The following KAZN variants were observed in gnomAD, a reference collection of about 807,000 sequenced individuals.
The protein encoded by KAZN is kazrin.
Under a neutral mutation model 87.4 loss-of-function variants are expected in KAZN, and 40 were observed. The ratio of observed to expected loss-of-function variants is 0.46; its 90% CI spans 0.36 to 0.60. KAZN has a LOEUF of 0.60. KAZN is among the 20% of genes least tolerant of loss of function. The pLI is 0.00. For synonymous variants in KAZN, 466 were observed against 458.3 expected (o/e 1.02, Z -0.22); for missense variants, 898 against 1,073.9 (o/e 0.84, Z 2.29).
At chr1:14,525,554 A>AC (rs1557777075) in intron 2 of KAZN, among the ~76,000 whole-genome samples, 1 of 151,876 alleles carries the variant, frequency 6.6e-6, no homozygotes. Flanking sequence ...GATCCTTTTG[A>AC]TTTTTTCAAC....
intron 1 of KAZN, among the ~76,000 whole-genome samples, chr1:14,746,252 C>T (rs776456669): frequency 1.3e-5 from 2 of 152,224 alleles, no homozygotes; most frequent in South Asian, 2.1e-4. Context: ...CTACCAAGTT[C>T]GTCATCTTTC....
At chr1:14,991,317 T>A (rs531561213) in intron 2 of KAZN, among the ~76,000 whole-genome samples, 46 of 150,306 alleles carry the variant, frequency 3.1e-4, no homozygotes, top group Non-Finnish European at 5.6e-4. Context: ...ATCGCACCAC[T>A]GCACTCCAGC....
At chr1:14,497,671 T>G (rs976773153) in intron 2 of KAZN, among the ~76,000 whole-genome samples, 6 of 152,208 alleles carry the variant, frequency 3.9e-5, no homozygotes, top group African/African-American at 1.2e-4. Context: ...CCTATGAAGA[T>G]ATATACTTGG....
intron 2 of KAZN, among the ~76,000 whole-genome samples, chr1:14,392,816 C>A (rs1355033082): frequency 6.6e-6 from 1 of 152,122 alleles, no homozygotes; most frequent in African/African-American, 2.4e-5. Context: ...AATCAAGAGT[C>A]CTGTTTTTGT....
intron 2 of KAZN, among the ~76,000 whole-genome samples, chr1:14,440,581 A>G (rs7547198): frequency 0.25 from 38,281 of 152,132 alleles, 5,969 homozygotes; most frequent in Middle Eastern, 0.36. Flanking sequence ...AAGATGTTTG[A>G]GGAATGACTG....
chr1:14,806,225 C>T (rs1646216324), intron 1 of KAZN, among the ~76,000 whole-genome samples: 1 of 151,760 alleles, frequency 6.6e-6, no homozygotes, highest in South Asian at 2.1e-4. Context: ...ACCTCTGTTC[C>T]CTTTGTCTCA....
In KAZN at chr1:14,916,886, G is replaced by T. The variant is rs149793190; in HGVS notation, c.227-43798G>T. On this transcript the variant is annotated intron_variant, in intron 1 of 14. Transcript: ENST00000376030. ...CCATCATCATACCACTGCATTCTAGGCTGGGTGACAAGCAAGACCTTGTCT... is the reference window on the plus strand; with the variant it reads ...CCATCATCATACCACTGCATTCTAGTCTGGGTGACAAGCAAGACCTTGTCT... Among the ~76,000 whole-genome samples the T allele has an allele frequency of 2.1e-4, 32 of 151,428 alleles. No individual in the cohort carries two copies. The East Asian group carries it at 2.7e-3, about 13-fold the overall frequency.
At chr1:14,950,786 C>T (rs151055382) in intron 1 of KAZN, among the ~76,000 whole-genome samples, 10 of 152,162 alleles carry the variant, frequency 6.6e-5, no homozygotes, top group African/African-American at 2.4e-4. Flanking sequence ...CTCAGGCCTC[C>T]CAGTCCAGGG....
intron 2 of KAZN, among the ~76,000 whole-genome samples, chr1:14,295,503 G>A (rs985682495): frequency 6.6e-6 from 1 of 152,094 alleles, no homozygotes; most frequent in Non-Finnish European, 1.5e-5. Flanking sequence ...GGGAGACTCA[G>A]AGATACGCAC....
chr1:14,453,201 C>G (rs377449932), intron 2 of KAZN, among the ~76,000 whole-genome samples: 1 of 152,008 alleles, frequency 6.6e-6, no homozygotes, highest in Non-Finnish European at 1.5e-5. Context: ...GTGATCCGCC[C>G]GCCTCGGCCT....
intron 2 of KAZN, among the ~76,000 whole-genome samples, chr1:14,473,448 G>A (rs78021294): frequency 0.026 from 3,967 of 152,162 alleles, 57 homozygotes; most frequent in Non-Finnish European, 0.033. Flanking sequence ...CCAATATGGT[G>A]AAACCCCATC....
At chr1:13,955,796 T>C (rs961443623) in intron 1 of KAZN, among the ~76,000 whole-genome samples, 1 of 152,208 alleles carries the variant, frequency 6.6e-6, no homozygotes, top group African/African-American at 2.4e-5. Context: ...GAACATGACC[T>C]TCCTAACTCC....
intron 1 of KAZN, among the ~76,000 whole-genome samples, chr1:13,946,966 G>C (rs1641169999): frequency 6.6e-6 from 1 of 152,112 alleles, no homozygotes. Flanking sequence ...CATTCTCTCT[G>C]GAGGCTTGGG....
chr1:14,847,296 A>G (rs1648900232), intron 1 of KAZN, among the ~76,000 whole-genome samples: 1 of 152,216 alleles, frequency 6.6e-6, no homozygotes, highest in Admixed American at 6.5e-5. Context: ...TAGGGTGGCC[A>G]CAAGCTCAGG....
intron 1 of KAZN, among the ~76,000 whole-genome samples, chr1:14,002,908 A>G (rs1021063257): frequency 1.3e-5 from 2 of 152,212 alleles, no homozygotes; most frequent in African/African-American, 2.4e-5. Flanking sequence ...ACGCACACGT[A>G]TGTCTATTGC....
At chr1:14,477,977 C>G (rs961099682) in intron 2 of KAZN, among the ~76,000 whole-genome samples, 3 of 152,216 alleles carry the variant, frequency 2.0e-5, no homozygotes, top group African/African-American at 7.2e-5. Context: ...TGCTGCATGA[C>G]CAGCCTTGTG....
intron 1 of KAZN, among the ~76,000 whole-genome samples, chr1:14,664,128 A>G (rs1639360497): frequency 6.6e-6 from 1 of 152,232 alleles, no homozygotes; most frequent in African/African-American, 2.4e-5. Flanking sequence ...TCAGATTTAT[A>G]AAAACAGAAA....
At chr1:14,321,629 G>A (rs959037220) in intron 2 of KAZN, among the ~76,000 whole-genome samples, 1 of 152,124 alleles carries the variant, frequency 6.6e-6, no homozygotes, top group African/African-American at 2.4e-5. Context: ...ATCAGAAAAT[G>A]ATCATTGTGT....
At chr1:14,297,014 C>T (rs528742355) in intron 2 of KAZN, among the ~76,000 whole-genome samples, 1 of 152,238 alleles carries the variant, frequency 6.6e-6, no homozygotes, top group East Asian at 1.9e-4. Flanking sequence ...GTGTGTGTGA[C>T]ATGTCATGAT....
Sources: allele counts gnomAD v4.1 joint callset (sites outside exome capture counted in the v4.1 genomes callset), GRCh38; gene constraint gnomAD v4.1.1; transcripts MANE v1.5; gene names NCBI Gene and HGNC (gene_info 2026-07-23, HGNC 2026-07-21).